Variants in RIT2 observed in about 807,000 individuals in gnomAD.
The protein encoded by RIT2 is Ras like without CAAX 2.
Under a neutral mutation model 23.7 loss-of-function variants are expected in RIT2, and 24 were observed. The ratio of observed to expected loss-of-function variants is 1.01; its 90% CI spans 0.73 to 1.43. The LOEUF (loss-of-function observed/expected upper bound fraction) is 1.43. Ranked by LOEUF, RIT2 falls within the 40% of genes most tolerant of loss-of-function variation. The pLI is 0.00. For missense variants in RIT2, 236 were observed against 266.9 expected (o/e 0.88, Z 0.81); for synonymous variants, 107 against 91.1 (o/e 1.17, Z -0.99).
intron 2 of RIT2, among the ~76,000 whole-genome samples, chr18:43,024,170 C>G (rs12959697): frequency 0.96 from 146,236 of 152,194 alleles, 70,507 homozygotes; most frequent in East Asian, 1. Context: ...ACATAATCAA[C>G]CTTATGTTTT....
intron 4 of RIT2, among the ~76,000 whole-genome samples, chr18:42,774,353 GT>G (rs1913618505): frequency 6.6e-6 from 1 of 152,122 alleles, no homozygotes; most frequent in Non-Finnish European, 1.5e-5. Flanking sequence ...CAGGGGGAAA[GT>G]GTCTAAGAAG....
chr18:42,859,430 T>C (rs899710415), intron 4 of RIT2, among the ~76,000 whole-genome samples: 4 of 151,846 alleles, frequency 2.6e-5, no homozygotes, highest in Non-Finnish European at 4.4e-5. Context: ...GTTGTAAGTG[T>C]TCTTTGTGTA....
chr18:42,982,544 T>C (rs968849097), intron 2 of RIT2, among the ~76,000 whole-genome samples: 1 of 152,156 alleles, frequency 6.6e-6, no homozygotes, highest in Non-Finnish European at 1.5e-5. Flanking sequence ...CCTAAAACCA[T>C]ACTTAATGTC....
intron 3 of RIT2, among the ~76,000 whole-genome samples, chr18:42,964,099 G>C (rs1381425435): frequency 6.6e-6 from 1 of 151,862 alleles, no homozygotes; most frequent in East Asian, 1.9e-4. Context: ...GATGAGGCAG[G>C]ATAATAGCTT....
At chr18:43,067,177 A>C (rs1290555400) in intron 1 of RIT2, among the ~76,000 whole-genome samples, 1 of 152,098 alleles carries the variant, frequency 6.6e-6, no homozygotes, top group Non-Finnish European at 1.5e-5. Context: ...AGGTAAAACT[A>C]GTTAGTAGGA....
At chr18:42,955,524 C>T (rs1909951014) in intron 3 of RIT2, among the ~76,000 whole-genome samples, 1 of 152,090 alleles carries the variant, frequency 6.6e-6, no homozygotes, top group Non-Finnish European at 1.5e-5. Flanking sequence ...AGGTCCTTCC[C>T]CTTCTGACGT....
At chr18:42,907,401 T>C (rs1908651351) in intron 4 of RIT2, among the ~76,000 whole-genome samples, 1 of 151,732 alleles carries the variant, frequency 6.6e-6, no homozygotes, top group Admixed American at 6.6e-5. Flanking sequence ...AAGAAGACAT[T>C]GTAATTTACT....
chr18:42,865,306 G>A (rs562932136), intron 4 of RIT2, among the ~76,000 whole-genome samples: 4 of 152,156 alleles, frequency 2.6e-5, no homozygotes, highest in Admixed American at 6.5e-5. Flanking sequence ...AGGACCTGAT[G>A]TGGAGTCCCT....
chr18:43,112,193 C>T (rs1416799224), intron 1 of RIT2, among the ~76,000 whole-genome samples: 1 of 152,092 alleles, frequency 6.6e-6, no homozygotes, highest in African/African-American at 2.4e-5. Context: ...ACTCTTTGTT[C>T]TTCTCAGAGC....
chr18:42,877,980 T>C (rs1318901686), intron 4 of RIT2, among the ~76,000 whole-genome samples: 1 of 151,860 alleles, frequency 6.6e-6, no homozygotes, highest in East Asian at 1.9e-4. Flanking sequence ...CAAGATACCA[T>C]ATTATGTATG....
chr18:42,850,524 C>G (rs1907024896), intron 4 of RIT2, among the ~76,000 whole-genome samples: 1 of 152,036 alleles, frequency 6.6e-6, no homozygotes, highest in African/African-American at 2.4e-5. Flanking sequence ...AAAGATATTC[C>G]TGAAAGATGG....
chr18:42,772,630 C>T (rs774200967), intron 4 of RIT2, among the ~76,000 whole-genome samples: 1 of 152,190 alleles, frequency 6.6e-6, no homozygotes, highest in Non-Finnish European at 1.5e-5. Context: ...ACCTATTGTT[C>T]TAATTTTTGC....
At chr18:43,008,300 GATT>G (rs1429510586) in intron 2 of RIT2, among the ~76,000 whole-genome samples, 3 of 151,398 alleles carry the variant, frequency 2.0e-5, no homozygotes, top group African/African-American at 7.3e-5. Context: ...ATATATATAA[GATT>G]ATATGTACAC....
intron 4 of RIT2, among the ~76,000 whole-genome samples, chr18:42,758,541 T>G (rs1913221549): frequency 6.6e-6 from 1 of 151,536 alleles, no homozygotes. Flanking sequence ...GAGAAGGAGT[T>G]TTTCTCTCAT....
chr18:42,881,172 A>T (rs1487872954), intron 4 of RIT2, among the ~76,000 whole-genome samples: 1 of 152,178 alleles, frequency 6.6e-6, no homozygotes, highest in Non-Finnish European at 1.5e-5. Context: ...CTCACTGTTA[A>T]TGGTAACACA....
chr18:42,975,133 T>C (rs532418886), intron 2 of RIT2, among the ~76,000 whole-genome samples: 1 of 152,096 alleles, frequency 6.6e-6, no homozygotes, highest in African/African-American at 2.4e-5. Flanking sequence ...TGCTATTTTT[T>C]TGACTTTTAA....
chr18:42,982,227 G>A (rs1381924306), intron 2 of RIT2, among the ~76,000 whole-genome samples: 2 of 152,168 alleles, frequency 1.3e-5, no homozygotes, highest in Non-Finnish European at 2.9e-5. Context: ...AGGCTGGTGA[G>A]CCTGGAGTTC....
At chr18:43,019,866 A>G (rs1328651293) in intron 2 of RIT2, among the ~76,000 whole-genome samples, 1 of 152,086 alleles carries the variant, frequency 6.6e-6, no homozygotes, top group East Asian at 1.9e-4. Context: ...ACATACAAAA[A>G]TCAATAGTGT....
chr18:42,926,211 T>A (rs1364290070), intron 3 of RIT2, among the ~76,000 whole-genome samples: 1 of 151,930 alleles, frequency 6.6e-6, no homozygotes, highest in Non-Finnish European at 1.5e-5. Context: ...ATTATATAAA[T>A]GTGACCAATT....
Sources: allele counts gnomAD v4.1 joint callset (sites outside exome capture counted in the v4.1 genomes callset), GRCh38; gene constraint gnomAD v4.1.1; transcripts MANE v1.5; gene names NCBI Gene and HGNC (gene_info 2026-07-23, HGNC 2026-07-21).